Variants in WDR35 observed in about 807,000 individuals in gnomAD.
The protein encoded by WDR35 is WD repeat domain 35.
In WDR35, 118 loss-of-function variants were observed where a neutral mutation model predicts 158.3. The observed-to-expected ratio is 0.75, with a 90% CI of 0.64 to 0.87. The LOEUF is 0.87. WDR35 is among the 40% of genes least tolerant of loss of function. WDR35 has a pLI of 0.00. For synonymous variants in WDR35, 448 were observed against 476.1 expected, an observed-to-expected ratio of 0.94 and a Z score of 0.77; for missense variants, 1,263 against 1,405.8, an observed-to-expected ratio of 0.90 and a Z score of 1.62.
chr2:19,961,154 T>G (rs183586876), intron 10 of WDR35, among the ~76,000 whole-genome samples: 272 of 152,270 alleles, frequency 1.8e-3, no homozygotes, highest in South Asian at 8.3e-3. Flanking sequence ...GGTGGAAGAA[T>G]GGTGAAATCA....
intron 13 of WDR35, among the ~76,000 whole-genome samples, chr2:19,948,935 G>GA: frequency 6.6e-6 from 1 of 151,118 alleles, no homozygotes; most frequent in East Asian, 1.9e-4. Context: ...AGAAAATGAA[G>GA]AAAAAAGAGA....
intron 11 of WDR35, among the ~76,000 whole-genome samples, chr2:19,956,985 A>T (rs140209974): frequency 2.8e-3 from 429 of 152,352 alleles, no homozygotes; most frequent in African/African-American, 9.4e-3. Flanking sequence ...TTCTAAATAT[A>T]TAACACATAT....
At chr2:19,969,413 C>CT (rs1671963237) in intron 9 of WDR35, 67 bp downstream of exon 9, 4 of 1,528,232 alleles carry the variant, frequency 2.6e-6, no homozygotes, top group Admixed American at 3.8e-5. Context: ...TTTGAATATA[C>CT]TTTGAGCTAT....
intron 2 of WDR35, among the ~76,000 whole-genome samples, chr2:19,988,325 T>A (rs1672635595): frequency 1.3e-5 from 2 of 152,220 alleles, no homozygotes. Context: ...CAAAGTGCGG[T>A]CTGAGGACCA....
chr2:19,915,238 C>T (rs1322631551), intron 25 of WDR35, among the ~76,000 whole-genome samples: 1 of 152,014 alleles, frequency 6.6e-6, no homozygotes, highest in Non-Finnish European at 1.5e-5. Flanking sequence ...ACAATATATT[C>T]ATGTGTTTTA....
chr2:19,936,579 G>T (rs1670704302), intron 19 of WDR35, among the ~76,000 whole-genome samples: 1 of 152,150 alleles, frequency 6.6e-6, no homozygotes, highest in South Asian at 2.1e-4. Context: ...CAAAATTCAT[G>T]TTAAAACTTA....
chr2:19,947,940 G>A (rs1671109281), intron 14 of WDR35, among the ~76,000 whole-genome samples: 1 of 151,668 alleles, frequency 6.6e-6, no homozygotes, highest in African/African-American at 2.4e-5. Context: ...TAAAACTTGG[G>A]GTGCCCATAA....
rs1672173531 is a variant in WDR35, at chr2:19,975,455, A to G, written c.570+75T>C. 6 of 1,458,322 alleles carry G rather than the reference A, an allele frequency of 4.1e-6. No individual in the cohort carries two copies. The South Asian group carries it at 7.8e-5, about 19-fold the overall frequency. 90.3% of individuals were successfully genotyped at this position (1,458,322 alleles called of 1,614,324 possible). A position where few individuals can be genotyped will look rare whatever the true frequency, so the allele number is the denominator to read the frequency against. On this transcript the variant is annotated intron_variant, in intron 6 of 26. Transcript: ENST00000281405. ...ACAAACCGCCATAAAAAATAAATGT[A>G]TATACAAACATGAATGATATGTACG...
chr2:19,982,756 T>C (rs1194373289), intron 2 of WDR35, among the ~76,000 whole-genome samples: 1 of 152,216 alleles, frequency 6.6e-6, no homozygotes, highest in African/African-American at 2.4e-5. Flanking sequence ...TGTTTACTCA[T>C]ACATTACATA....
chr2:19,966,864 C>T lies in WDR35; in HGVS notation c.1054G>A (p.Asp352Asn). The T allele has an allele frequency of 6.2e-7, 1 of 1,613,850 alleles. No homozygotes were observed. Among genetic ancestry groups the T allele is most frequent in the South Asian group, 1.1e-5 (1 of 91,036 alleles). Residue 352 changes from aspartate (D) to asparagine (N), a missense_variant, in exon 10 of 27, where the codon GAT (aspartate) becomes AAT (asparagine). By Grantham distance (23) the Asp-to-Asn change is conservative (BLOSUM62 1). Transcript: ENST00000281405. ...AAGACAACACAATATTCTGGACGATCAGGTCTGGTATATGCATAAACTACA... is the reference window on the plus strand; with the variant it reads ...AAGACAACACAATATTCTGGACGATTAGGTCTGGTATATGCATAAACTACA... ...NTVVYAYTRP[D>N]RPEYCVVFWD...
chr2:19,976,141 C>T (rs1263901124), intron 5 of WDR35, among the ~76,000 whole-genome samples: 1 of 152,102 alleles, frequency 6.6e-6, no homozygotes, highest in Non-Finnish European at 1.5e-5. Flanking sequence ...CCTTTATCGA[C>T]TACTCTCATT....
rs1005137046 is a variant in WDR35 at position 19,910,652 on chromosome 2, A to C, written c.*2906T>G. 2.0e-5 allele frequency: 3 copies of C among 152,260 alleles called. No individual in the cohort carries two copies. The highest frequency in any genetic ancestry group is 7.2e-5 in the African/African-American group (3 of 41,470). The allele number at this position is 152,260 out of a possible 1,614,324, so 9.4% of individuals were successfully genotyped here. ...TTCAATATACTACCTAATTCTGTTT[A>C]TGCAACTTCTCACCAGGTAATTGTT... On this transcript the variant is annotated 3_prime_UTR_variant, in exon 27 of 27. Transcript: ENST00000281405.
chr2:19,939,333 A>G (rs1243777361), intron 17 of WDR35, among the ~76,000 whole-genome samples: 4 of 152,200 alleles, frequency 2.6e-5, no homozygotes, highest in Admixed American at 6.5e-5. Context: ...AAAGGAGAAA[A>G]AGAAGAAAAT....
intron 2 of WDR35, among the ~76,000 whole-genome samples, chr2:19,987,423 A>G (rs560626591): frequency 3.9e-5 from 6 of 152,342 alleles, no homozygotes; most frequent in Non-Finnish European, 7.4e-5. Flanking sequence ...CACTAATTTC[A>G]AAGAATACTC....
In WDR35 at chr2:19,966,823, G is replaced by A. The variant is rs769941110; in HGVS notation, c.1095C>T (p.Asn365=). ...EYCVVFWDTK[N]NEKYVKYVKG... is the part of the protein sequence containing the mutation. ...TCACATATTTAACATATTTTTCATT[G>A]TTTTTCGTATCCCAGAAGACAACAC... The change falls in exon 10 of 27, where the codon AAC becomes AAT. Residue 365 remains asparagine, a synonymous_variant. Transcript: ENST00000281405. The A allele has an allele frequency of 6.2e-6, 10 of 1,613,856 alleles. No homozygotes were observed. In the South Asian group the frequency reaches 1.1e-4, roughly 18 times the overall value.
intron 2 of WDR35, among the ~76,000 whole-genome samples, chr2:19,988,369 G>C (rs1418066194): frequency 6.6e-6 from 1 of 152,168 alleles, no homozygotes; most frequent in Non-Finnish European, 1.5e-5. Flanking sequence ...GAAATTCTCA[G>C]GCCCCATCCC....
chr2:19,926,033 G>A (rs915686751), intron 25 of WDR35, among the ~76,000 whole-genome samples: 1 of 152,158 alleles, frequency 6.6e-6, no homozygotes, highest in African/African-American at 2.4e-5. Context: ...ATTAGAAAAT[G>A]GGCACATAGC....
At chr2:19,989,389 G>A in intron 1 of WDR35, 107 bp from the exon 2 acceptor site, 2 of 1,026,672 alleles carry the variant, frequency 1.9e-6, no homozygotes, top group Non-Finnish European at 3.1e-6. Flanking sequence ...AAAAACGAAC[G>A]GCCTTGCAGA....
Position 19,948,152 on chromosome 2 carries a change from T to C in WDR35, c.1524+12A>G. The stretch of plus-strand genomic sequence containing the variant: ...AATTATTATTCATAAAATAAGTTTT[T>C]GCAAAACTTACCACAATCAATATCT... On this transcript the variant is annotated intron_variant, in intron 14 of 26. Transcript: ENST00000281405. 3 of 1,601,158 alleles carry C rather than the reference T, an allele frequency of 1.9e-6. No individual in the cohort carries two copies. Among genetic ancestry groups the C allele is most frequent in the Non-Finnish European group, 2.6e-6 (3 of 1,173,324 alleles).
Sources: allele counts gnomAD v4.1 joint callset (sites outside exome capture counted in the v4.1 genomes callset), GRCh38; gene constraint gnomAD v4.1.1; transcripts MANE v1.5; gene names NCBI Gene and HGNC (gene_info 2026-07-23, HGNC 2026-07-21).